Variants in CR1 observed in about 807,000 individuals in gnomAD.
CR1 encodes the protein complement C3b/C4b receptor 1 (Knops blood group).
Under a neutral mutation model 187.3 loss-of-function variants are expected in CR1, and 116 were observed. That is an observed-to-expected ratio of 0.62 (90% CI 0.53 to 0.72). The LOEUF is 0.72. Among genes scored for constraint, CR1 ranks in the 30% least tolerant of loss-of-function variants. The pLI is 0.00. For synonymous variants in CR1, 576 were observed against 747.1 expected (o/e 0.77, Z 3.73); for missense variants, 1,731 against 2,110.7 (o/e 0.82, Z 3.52).
intron 33 of CR1, among the ~76,000 whole-genome samples, chr1:207,585,621 A>T (rs1331042110): frequency 6.6e-6 from 1 of 152,242 alleles, no homozygotes; most frequent in East Asian, 1.9e-4. Context: ...TCCATTATCC[A>T]CAGGGAAGCC....
At chr1:207,638,366 A>C (rs960221992) in intron 46 of CR1, among the ~76,000 whole-genome samples, 10 of 152,242 alleles carry the variant, frequency 6.6e-5, no homozygotes, top group African/African-American at 2.4e-4. Context: ...GGCCCTAAAC[A>C]ATGTAAAATC....
At chr1:207,567,423 TC>T (rs1332996885) in intron 24 of CR1, among the ~76,000 whole-genome samples, 1 of 150,348 alleles carries the variant, frequency 6.7e-6, no homozygotes, top group African/African-American at 2.5e-5. Flanking sequence ...GAGAAATATT[TC>T]CTAAGAATGT....
At chr1:207,599,224 T>C (rs2102370320) in intron 35 of CR1, among the ~76,000 whole-genome samples, 1 of 152,278 alleles carries the variant, frequency 6.6e-6, no homozygotes, top group Middle Eastern at 3.4e-3. Context: ...AAAATGGCCT[T>C]AAAAATTGCT....
intron 43 of CR1, 104 bp downstream of exon 43, chr1:207,620,169 T>C: frequency 2.0e-5 from 23 of 1,172,680 alleles, no homozygotes; most frequent in Non-Finnish European, 2.6e-5. Context: ...TGGCATATGC[T>C]ATGAGCTATA....
chr1:207,612,068 A>C lies in CR1; in HGVS notation c.6575+27A>C, dbSNP rs1462292736. 1.9e-6 allele frequency: 3 copies of C among 1,601,746 alleles called. No homozygotes were observed. The East Asian group carries it at 6.7e-5, about 36-fold the overall frequency. On this transcript the variant is annotated intron_variant, in intron 39 of 46. Coordinates refer to ENST00000367049, the MANE Select transcript of CR1 (RefSeq NM_000651.6). ...TGAGTGTGACCCAGCGTTGAGACCA[A>C]GGACTCAGTGTGGAGAATCACTCTC...
chr1:207,572,328 GTC>G (rs1660604321), intron 27 of CR1, among the ~76,000 whole-genome samples: 1 of 150,256 alleles, frequency 6.7e-6, no homozygotes, highest in Non-Finnish European at 1.5e-5. Context: ...TTTTATTGCT[GTC>G]TCAGCTTAAG....
At chr1:207,514,199 T>A (rs1367549032) in intron 4 of CR1, among the ~76,000 whole-genome samples, 2 of 152,206 alleles carry the variant, frequency 1.3e-5, no homozygotes. Flanking sequence ...AACTCAGTCA[T>A]AATATTTAAT....
chr1:207,586,634 A>C (rs1189444770), intron 33 of CR1, among the ~76,000 whole-genome samples: 1 of 152,206 alleles, frequency 6.6e-6, no homozygotes, highest in Non-Finnish European at 1.5e-5. Context: ...GAAAATAACC[A>C]ATTCTTTACT....
At chr1:207,626,370 C>A (rs112862881) in intron 45 of CR1, among the ~76,000 whole-genome samples, 5 of 152,318 alleles carry the variant, frequency 3.3e-5, no homozygotes, top group African/African-American at 1.2e-4. Context: ...ATCATGCAGT[C>A]ATACCTCCTT....
intron 45 of CR1, among the ~76,000 whole-genome samples, chr1:207,626,454 AG>A (rs1662481922): frequency 6.6e-6 from 1 of 152,224 alleles, no homozygotes; most frequent in African/African-American, 2.4e-5. Flanking sequence ...CTGGAGCTCA[AG>A]CTTTCCTCAC....
intron 35 of CR1, among the ~76,000 whole-genome samples, chr1:207,602,404 C>A (rs1391351900): frequency 6.6e-6 from 1 of 151,876 alleles, no homozygotes; most frequent in Admixed American, 6.6e-5. Flanking sequence ...TTAAATAAAA[C>A]CAATATTAAA....
At chr1:207,510,761 C>CCTTCCTTCCTTCCTTCCTTT (rs1267059014) in intron 3 of CR1, among the ~76,000 whole-genome samples, 1 of 150,678 alleles carries the variant, frequency 6.6e-6, no homozygotes, top group Non-Finnish European at 1.5e-5. Context: ...TTCCTTCCTT[C>CCTTCCTTCCTTCCTTCCTTT]CTTCCTCCCT....
rs1263225358 is a variant in CR1, at chr1:207,566,443, T to C, written c.3952+520T>C. Among the ~76,000 whole-genome samples, 2 of 150,248 alleles carry C rather than the reference T, an allele frequency of 1.3e-5. 1 individual carries two copies. The highest frequency in any genetic ancestry group is 5.0e-5 in the African/African-American group (2 of 39,660). Reference sequence around the variant, plus strand: ...TATTGATCACATACTTTGTGCCTGATGTTCATCTAGCCACTGGAGTTATAT... The same window carrying C: ...TATTGATCACATACTTTGTGCCTGACGTTCATCTAGCCACTGGAGTTATAT... On this transcript the variant is annotated intron_variant, in intron 24 of 46. Transcript: ENST00000367049.
chr1:207,630,508 G>A lies in CR1; in HGVS notation c.7353-9G>A, dbSNP rs772168986. On this transcript the variant is annotated splice_polypyrimidine_tract_variant and intron_variant, in intron 45 of 46. Coordinates refer to ENST00000367049, the MANE Select transcript of CR1 (RefSeq NM_000651.6). ...AGACAGTTTTTCTATTTTTTTCTCT[G>A]CCAATTAGCAATAATGCACATGAAA... The A allele has an allele frequency of 7.1e-6, 11 of 1,548,738 alleles. No homozygotes were observed. The Middle Eastern group carries it at 8.5e-4, about 120-fold the overall frequency.
Position 207,618,142 on chromosome 1 carries a change from A to T in CR1, c.6961A>T (p.Met2321Leu). The change falls in exon 42 of 47, where the codon ATG (methionine) becomes TTG (leucine). Residue 2321 changes from methionine to leucine, a missense_variant. Physicochemically the swap from Met to Leu is conservative, Grantham distance 15. Transcript: ENST00000367049. ...ACACGTATCTCTATATCTTCCTGGG[A>T]TGACAATCAGCTACATTTGTGACCC... ...GGHVSLYLPG[M>L]TISYICDPGY... 2 of 1,613,956 alleles carry T rather than the reference A, an allele frequency of 1.2e-6. No individual in the cohort carries two copies. Among genetic ancestry groups the T allele is most frequent in the Non-Finnish European group, 8.5e-7 (1 of 1,179,870 alleles).
chr1:207,578,053 G>A lies in CR1; in HGVS notation c.4786G>A (p.Gly1596Arg), dbSNP rs775546714. The A allele has an allele frequency of 6.8e-6, 11 of 1,611,602 alleles. No individual in the cohort carries two copies. Among genetic ancestry groups the A allele is most frequent in the African/African-American group, 1.3e-5 (1 of 74,960 alleles). ...NKCTPPNVEN[G>R]ILVSDNRSLF... is the part of the protein sequence containing the mutation. The stretch of plus-strand genomic sequence containing the variant: ...ATGCACGCCTCCAAATGTGGAAAAT[G>A]GAATATTGGTATCTGACAACAGAAG... Residue 1596 changes from glycine to arginine, a missense_variant, in exon 29 of 47, where the codon GGA becomes AGA. Gly to Arg is a moderately radical substitution (Grantham distance 125). Around this residue, in one of 5 missense-constraint regions of CR1, gnomAD observed 1,312 missense variants for 1,379.6 expected, o/e 0.95. Coordinates refer to ENST00000367049, the MANE Select transcript of CR1 (RefSeq NM_000651.6).
chr1:207,595,022 A>G (rs1202455054), intron 35 of CR1, among the ~76,000 whole-genome samples: 1 of 152,152 alleles, frequency 6.6e-6, no homozygotes, highest in Non-Finnish European at 1.5e-5. Flanking sequence ...CGATGGAACT[A>G]TATGAGGCAT....
At chr1:207,597,547 A>G (rs1368253322) in intron 35 of CR1, among the ~76,000 whole-genome samples, 2 of 152,332 alleles carry the variant, frequency 1.3e-5, no homozygotes, top group South Asian at 2.1e-4. Context: ...ACTTTGTACT[A>G]GGATGTTTTG....
At chr1:207,515,799 T>C (rs1287639908) in intron 4 of CR1, among the ~76,000 whole-genome samples, 1 of 152,210 alleles carries the variant, frequency 6.6e-6, no homozygotes, top group Admixed American at 6.5e-5. Flanking sequence ...AAATATTGTC[T>C]TTCAGGCTGT....
Sources: gnomAD v4.1 joint callset for allele counts (sites outside exome capture counted in the v4.1 genomes callset) on GRCh38, gnomAD v4.1.1 for gene constraint, gnomAD v4.1.1 regional missense constraint, MANE v1.5 for transcripts, NCBI Gene and HGNC (gene_info 2026-07-23, HGNC 2026-07-21) for gene names.